Variants in SORCS2 observed in about 807,000 individuals in gnomAD.
SORCS2 encodes the protein sortilin related VPS10 domain containing receptor 2.
In SORCS2, 100 loss-of-function variants were observed where a neutral mutation model predicts 141.6. That is an observed-to-expected ratio of 0.71 (90% CI 0.60 to 0.83). SORCS2 has a LOEUF of 0.83. Ranked by LOEUF, SORCS2 falls within the 40% of genes least tolerant of loss-of-function variation. The probability of loss-of-function intolerance (pLI) is 0.00; values close to 1 mark genes in which losing one functional copy is unlikely to be tolerated. For missense variants in SORCS2, 1,646 were observed against 1,560.2 expected (o/e 1.05, Z -0.93); for synonymous variants, 789 against 676.9 (o/e 1.17, Z -2.57).
intron 15 of SORCS2, among the ~76,000 whole-genome samples, chr4:7,713,761 G>C (rs1416463795): frequency 9.9e-5 from 15 of 152,212 alleles, no homozygotes; most frequent in Admixed American, 9.8e-4. Flanking sequence ...GATGGGCCTA[G>C]GAGGAGGTTT....
chr4:7,515,037 C>T (rs151087999), intron 2 of SORCS2, among the ~76,000 whole-genome samples: 1 of 152,184 alleles, frequency 6.6e-6, no homozygotes, highest in Non-Finnish European at 1.5e-5. Context: ...TTAGTTAACC[C>T]TTTACTGCTC....
chr4:7,687,774 C>T (rs1190454307), intron 10 of SORCS2, among the ~76,000 whole-genome samples: 1 of 152,170 alleles, frequency 6.6e-6, no homozygotes, highest in African/African-American at 2.4e-5. Context: ...AGTTCAGTGG[C>T]TTTTAGTCTA....
intron 5 of SORCS2, among the ~76,000 whole-genome samples, chr4:7,657,793 A>G (rs1013329448): frequency 6.6e-6 from 1 of 151,220 alleles, no homozygotes; most frequent in African/African-American, 2.4e-5. Context: ...TGGGTGAGTG[A>G]ATGAGTGAGT....
Position 7,682,767 on chromosome 4 carries a change from C to T in SORCS2, c.1366C>T (p.Leu456=), listed in dbSNP as rs1457564862. ...LEVRGVKGVF[L]ANQKIDGKVM... ...GGTCAGAGGGGTGAAAGGAGTCTTC[C>T]TGGCAAACCAAAAAATTGATGGGAA... Residue 456 remains leucine, a synonymous_variant, in exon 10 of 27, where the codon CTG becomes TTG. Transcript: ENST00000507866. 1 of 1,611,644 alleles carries T rather than the reference C, an allele frequency of 6.2e-7. No homozygotes were observed. The highest frequency in any genetic ancestry group is 8.5e-7 in the Non-Finnish European group (1 of 1,178,868).
At chr4:7,434,345 G>A in intron 2 of SORCS2, 1 of 1,609,582 alleles carries the variant, frequency 6.2e-7, no homozygotes, top group Non-Finnish European at 8.5e-7. Context: ...GCTCCTTCAG[G>A]CGCCTGGCGG....
intron 2 of SORCS2, among the ~76,000 whole-genome samples, chr4:7,505,674 G>A (rs1732233574): frequency 6.6e-6 from 1 of 152,178 alleles, no homozygotes. Flanking sequence ...ATACCCCCGA[G>A]AGCCTGGCTC....
chr4:7,437,927 A>G (rs1727413989), intron 2 of SORCS2, among the ~76,000 whole-genome samples: 1 of 152,084 alleles, frequency 6.6e-6, no homozygotes, highest in Non-Finnish European at 1.5e-5. Context: ...ATTTGCACGT[A>G]ATTTTTTTAT....
At chr4:7,262,011 G>T (rs1036840298) in intron 1 of SORCS2, among the ~76,000 whole-genome samples, 2 of 152,236 alleles carry the variant, frequency 1.3e-5, no homozygotes, top group Non-Finnish European at 2.9e-5. Flanking sequence ...ATACAAAATA[G>T]ATTTGAGCAA....
intron 1 of SORCS2, among the ~76,000 whole-genome samples, chr4:7,206,220 C>T (rs4563495): frequency 0.15 from 23,197 of 152,218 alleles, 1,875 homozygotes; most frequent in South Asian, 0.28. Context: ...GGCCTCCTCT[C>T]TGGTCTCCTC....
intron 1 of SORCS2, among the ~76,000 whole-genome samples, chr4:7,325,999 C>T (rs940790391): frequency 6.6e-6 from 1 of 152,022 alleles, no homozygotes; most frequent in African/African-American, 2.4e-5. Context: ...GAGGGCTTCT[C>T]ATGGGAAGGG....
chr4:7,587,060 C>A (rs897507414), intron 3 of SORCS2, among the ~76,000 whole-genome samples: 2 of 151,902 alleles, frequency 1.3e-5, no homozygotes, highest in African/African-American at 4.8e-5. Flanking sequence ...CGGAGATGGG[C>A]GGGGCTGCCC....
intron 1 of SORCS2, among the ~76,000 whole-genome samples, chr4:7,239,512 C>T (rs1347857458): frequency 6.6e-6 from 1 of 152,214 alleles, no homozygotes; most frequent in Non-Finnish European, 1.5e-5. Flanking sequence ...CAGACCCTTC[C>T]CTGGGTGAAA....
At chr4:7,413,975 C>G (rs986755547) in intron 2 of SORCS2, among the ~76,000 whole-genome samples, 1 of 152,072 alleles carries the variant, frequency 6.6e-6, no homozygotes, top group Non-Finnish European at 1.5e-5. Context: ...GAGGCTGTTG[C>G]TGATGTTACT....
intron 1 of SORCS2, among the ~76,000 whole-genome samples, chr4:7,313,616 C>T (rs1718346949): frequency 6.6e-6 from 1 of 152,212 alleles, no homozygotes; most frequent in East Asian, 1.9e-4. Flanking sequence ...ATAGATGAAA[C>T]TGGCCTGGAC....
intron 4 of SORCS2, among the ~76,000 whole-genome samples, chr4:7,653,607 G>A (rs1430157648): frequency 6.6e-6 from 1 of 152,306 alleles, no homozygotes; most frequent in Non-Finnish European, 1.5e-5. Context: ...CAGATGTGGG[G>A]CCCTTCTGAG....
At chr4:7,444,609 C>G (rs541857459) in intron 2 of SORCS2, among the ~76,000 whole-genome samples, 9 of 152,288 alleles carry the variant, frequency 5.9e-5, no homozygotes, top group Admixed American at 1.3e-4. Flanking sequence ...TAGGTGGACT[C>G]TGCTTCTTCC....
At chr4:7,336,095 G>C (rs952236604) in intron 1 of SORCS2, among the ~76,000 whole-genome samples, 9 of 152,218 alleles carry the variant, frequency 5.9e-5, no homozygotes, top group African/African-American at 2.2e-4. Context: ...GGTGACAATT[G>C]CCAGCTTCCG....
intron 1 of SORCS2, among the ~76,000 whole-genome samples, chr4:7,360,593 T>TTTTG: frequency 7.7e-6 from 1 of 129,392 alleles, no homozygotes; most frequent in African/African-American, 2.9e-5. Context: ...TTTTTTTTTT[T>TTTTG]TTTGAGACAG....
intron 8 of SORCS2, among the ~76,000 whole-genome samples, chr4:7,667,966 C>T (rs1722597127): frequency 6.6e-6 from 1 of 152,204 alleles, no homozygotes; most frequent in Non-Finnish European, 1.5e-5. Flanking sequence ...AGCCTCATGC[C>T]ACACCTCCCT....
Sources: gnomAD v4.1 joint callset for allele counts (sites outside exome capture counted in the v4.1 genomes callset) on GRCh38, gnomAD v4.1.1 for gene constraint, MANE v1.5 for transcripts, NCBI Gene and HGNC (gene_info 2026-07-23, HGNC 2026-07-21) for gene names.